UBAP2: variants seen among roughly 807,000 people sequenced by gnomAD.
The protein encoded by UBAP2 is ubiquitin-associated protein 2.
Under a neutral mutation model 139.6 loss-of-function variants are expected in UBAP2, and 75 were observed. The observed-to-expected ratio is 0.54, with a 90% CI of 0.45 to 0.65. The LOEUF (loss-of-function observed/expected upper bound fraction) is 0.65. Among genes scored for constraint, UBAP2 ranks in the 30% least tolerant of loss-of-function variants. UBAP2 has a pLI of 0.00. For missense variants in UBAP2, 1,368 were observed against 1,369.6 expected (o/e 1.00, Z 0.02); for synonymous variants, 526 against 526.2 (o/e 1.00, Z 0.01).
chr9:34,029,980 C>T (rs547714455), intron 1 of UBAP2, among the ~76,000 whole-genome samples: 3 of 148,472 alleles, frequency 2.0e-5, no homozygotes, highest in African/African-American at 7.5e-5. Context: ...GAGCAAGACT[C>T]CATCTCGAAA....
At chr9:34,000,225 C>T (rs776798030) in intron 2 of UBAP2, among the ~76,000 whole-genome samples, 1 of 152,170 alleles carries the variant, frequency 6.6e-6, no homozygotes, top group African/African-American at 2.4e-5. Flanking sequence ...AGAGATCCTG[C>T]CGCCTCAGCC....
rs1020130777 is a variant in UBAP2 at position 33,972,140 on chromosome 9, G to A, written c.576-386C>T. Among the ~76,000 whole-genome samples the A allele has an allele frequency of 2.0e-5, 3 of 152,128 alleles. No homozygotes were observed. The East Asian group carries it at 5.8e-4, about 29-fold the overall frequency. Reference sequence around the variant, plus strand: ...TCTTCCCAAGTCAGAATCCAAGTTTGGCTTTTACAGCTTAGATTTATATGC... The same window carrying A: ...TCTTCCCAAGTCAGAATCCAAGTTTAGCTTTTACAGCTTAGATTTATATGC... On this transcript the variant is annotated intron_variant, in intron 7 of 28. Transcript: ENST00000379238.
In UBAP2 at chr9:34,021,672, C is replaced by T. The variant is rs1191284795; in HGVS notation, c.-41-4483G>A. On this transcript the variant is annotated intron_variant, in intron 1 of 28. Transcript: ENST00000379238. The stretch of plus-strand genomic sequence containing the variant: ...TTTTTGAGACGGAGGCTCGCTCCAT[C>T]ACCCAGGCTGGAGTGCAGTGATGTG... Among the ~76,000 whole-genome samples, 4 of 149,638 alleles carry T rather than the reference C, an allele frequency of 2.7e-5. No individual in the cohort carries two copies. In the Admixed American group the frequency reaches 2.7e-4, roughly 10 times the overall value.
At chr9:33,999,425 GAC>G (rs1200974649) in intron 2 of UBAP2, among the ~76,000 whole-genome samples, 1 of 151,944 alleles carries the variant, frequency 6.6e-6, no homozygotes, top group Non-Finnish European at 1.5e-5. Context: ...CAACTGCCCA[GAC>G]ACAGGCTTAG....
At chr9:34,020,151 A>T (rs1785504) in intron 1 of UBAP2, among the ~76,000 whole-genome samples, 90,897 of 127,438 alleles carry the variant, frequency 0.71, 29,819 homozygotes, top group East Asian at 0.81. Flanking sequence ...CTCCATTATT[A>T]AAAAAAAAAA....
intron 6 of UBAP2, among the ~76,000 whole-genome samples, chr9:33,984,508 AT>A (rs35777214): frequency 0.049 from 7,329 of 149,354 alleles, 191 homozygotes; most frequent in Non-Finnish European, 0.062. Flanking sequence ...TAAAAAAAAA[AT>A]TTTTTTTTTT....
chr9:33,973,637 A>G (rs1828073233), intron 6 of UBAP2, among the ~76,000 whole-genome samples: 1 of 152,252 alleles, frequency 6.6e-6, no homozygotes, highest in Non-Finnish European at 1.5e-5. Context: ...ATCATTTTAA[A>G]TACTAGTCTG....
intron 2 of UBAP2, among the ~76,000 whole-genome samples, chr9:34,008,401 A>G (rs1392060222): frequency 6.6e-6 from 1 of 152,036 alleles, no homozygotes; most frequent in East Asian, 1.9e-4. Context: ...TTCCCTTTGA[A>G]CCAGGATGGT....
At chr9:34,041,646 G>A (rs1031410743) in intron 1 of UBAP2, among the ~76,000 whole-genome samples, 1 of 152,110 alleles carries the variant, frequency 6.6e-6, no homozygotes, top group African/African-American at 2.4e-5. Context: ...GCAGTGAGCT[G>A]AGAAGCCGAG....
intron 2 of UBAP2, 29 bp downstream of exon 2, chr9:34,017,017 GAAAA>G (rs11432780): frequency 1.6e-6 from 2 of 1,255,588 alleles, no homozygotes; most frequent in African/African-American, 3.2e-5. Context: ...GAAAAAAAAG[GAAAA>G]AAAAAAAAAG....
chr9:33,944,373 C>G lies in UBAP2; in HGVS notation c.1537G>C (p.Ala513Pro). The G allele has an allele frequency of 6.2e-7, 1 of 1,611,956 alleles. No homozygotes were observed. Residue 513 changes from alanine (A) to proline (P), a missense_variant, in exon 14 of 29, where the codon GCT becomes CCT. Physicochemically the swap from Ala to Pro is conservative, Grantham distance 27 (BLOSUM62 -1). Coordinates refer to ENST00000379238, the MANE Select transcript of UBAP2 (RefSeq NM_001370062.2). ...CATGATGAAATGCCCACCTTAGAAG[C>G]TGGGGGTATCCGCCGCTTAGCAAGT... Reference protein sequence around the residue: ...IKLAKRRIPPASKIPASAVEM... With the variant: ...IKLAKRRIPPPSKIPASAVEM...
Position 33,963,761 on chromosome 9 carries a change from T to C in UBAP2, c.710A>G (p.Gln237Arg). ...ATAAGAACTTTTGTTTGACAGATCCTGAGCTATGTTGTGAGTATTTGATGC... is the reference window on the plus strand; with the variant it reads ...ATAAGAACTTTTGTTTGACAGATCCCGAGCTATGTTGTGAGTATTTGATGC... Reference protein sequence around the residue: ...ELASNTHNIAQDLSNKSSYGL... With the variant: ...ELASNTHNIARDLSNKSSYGL... The change falls in exon 9 of 29, where the codon CAG (glutamine) becomes CGG (arginine). Residue 237 changes from glutamine (Q) to arginine (R), a missense_variant. Gln to Arg is a conservative substitution (Grantham distance 43). Coordinates refer to ENST00000379238, the MANE Select transcript of UBAP2 (RefSeq NM_001370062.2). 2 of 1,612,142 alleles carry C rather than the reference T, an allele frequency of 1.2e-6. No homozygotes were observed. Among genetic ancestry groups the C allele is most frequent in the Non-Finnish European group, 1.7e-6 (2 of 1,178,418 alleles).
intron 6 of UBAP2, among the ~76,000 whole-genome samples, chr9:33,978,031 A>C (rs1382559770): frequency 1.3e-5 from 2 of 151,112 alleles, no homozygotes; most frequent in African/African-American, 4.9e-5. Context: ...AAAAAAAAAA[A>C]AAAAAGACTG....
chr9:33,923,223 C>T lies in UBAP2; in HGVS notation c.2967G>A (p.Gln989=). The T allele has an allele frequency of 6.2e-7, 1 of 1,614,180 alleles. No homozygotes were observed. The highest frequency in any genetic ancestry group is 8.5e-7 in the Non-Finnish European group (1 of 1,180,022). ...YSKGGYAGSS[Q]APNKSAGSGP... is the part of the protein sequence containing the mutation. ...CAGAACCTGCAGACTTGTTTGGTGC[C>T]TGCGATGATCCAGCATAGCCACCTT... The change falls in exon 26 of 29, where the codon CAG becomes CAA. Residue 989 remains glutamine, a synonymous_variant. Transcript: ENST00000379238.
Position 33,996,400 on chromosome 9 carries a change from T to C in UBAP2, c.178-67A>G. ...CTGGCACTTGATATTAAGATTCTTC[T>C]ATACAAATACAGAATTACATAATCC... On this transcript the variant is annotated intron_variant, in intron 3 of 28. Coordinates refer to ENST00000379238, the MANE Select transcript of UBAP2 (RefSeq NM_001370062.2). 7.8e-6 allele frequency: 8 copies of C among 1,025,122 alleles called. No individual in the cohort carries two copies. The South Asian group carries it at 1.0e-4, about 13-fold the overall frequency. The allele number at this position is 1,025,122 out of a possible 1,614,324, so 63.5% of individuals were successfully genotyped here. A position where few individuals can be genotyped will look rare whatever the true frequency, so the allele number is the denominator to read the frequency against.
At chr9:33,925,353 T>G (rs1823334382) in intron 22 of UBAP2, among the ~76,000 whole-genome samples, 1 of 152,078 alleles carries the variant, frequency 6.6e-6, no homozygotes, top group African/African-American at 2.4e-5. Flanking sequence ...GGGGAGCACT[T>G]TCACAGAACA....
intron 1 of UBAP2, among the ~76,000 whole-genome samples, chr9:34,036,163 G>A (rs1826348569): frequency 6.7e-6 from 1 of 149,920 alleles, no homozygotes; most frequent in African/African-American, 2.5e-5. Context: ...TGCCCAGGCT[G>A]GAGTACAATG....
At chr9:34,036,806 C>CTTT (rs869116521) in intron 1 of UBAP2, among the ~76,000 whole-genome samples, 58 of 99,458 alleles carry the variant, frequency 5.8e-4, no homozygotes, top group Non-Finnish European at 8.4e-4. Flanking sequence ...AAGTTTTTCT[C>CTTT]TTTTTTTTTT....
Position 34,046,643 on chromosome 9 carries a change from C to CAAAAA in UBAP2, c.-42+2177_-42+2181dup, listed in dbSNP as rs59971755. ...TGGGCGACAGAACAAGACTCCATCT[C>CAAAAA]AAAAAAAAAAAAAAAAAAAAAAAAA... On this transcript the variant is annotated intron_variant, in intron 1 of 28. Coordinates refer to ENST00000379238, the MANE Select transcript of UBAP2 (RefSeq NM_001370062.2). 1.2e-4 allele frequency among the ~76,000 whole-genome samples: 15 copies of CAAAAA among 122,332 alleles called. 1 individual carries two copies. The highest frequency in any genetic ancestry group is 2.9e-4 in the South Asian group (1 of 3,428). 80.3% of individuals were successfully genotyped at this position (122,332 alleles called of 152,430 possible). A position where few individuals can be genotyped will look rare whatever the true frequency, so the allele number is the denominator to read the frequency against.
Sources: gnomAD v4.1 joint callset for allele counts (sites outside exome capture counted in the v4.1 genomes callset) on GRCh38, gnomAD v4.1.1 for gene constraint, MANE v1.5 for transcripts, NCBI Gene and HGNC (gene_info 2026-07-23, HGNC 2026-07-21) for gene names.